Variants in RBPJ observed in about 807,000 individuals in gnomAD.
RBPJ encodes the protein recombination signal binding protein for immunoglobulin kappa J region.
A neutral mutation model predicts 67.8 loss-of-function variants in RBPJ; 9 were observed. The observed-to-expected ratio is 0.13, with a 90% CI of 0.08 to 0.23. The LOEUF (loss-of-function observed/expected upper bound fraction) is 0.23. Ranked by LOEUF, RBPJ falls within the 10% of genes least tolerant of loss-of-function variation. The probability of loss-of-function intolerance (pLI) is 1.00; values close to 1 mark genes in which losing one functional copy is unlikely to be tolerated. For missense variants in RBPJ, 305 were observed against 595.6 expected (o/e 0.51, Z 5.08); for synonymous variants, 198 against 203.3 (o/e 0.97, Z 0.22).
intron 1 of RBPJ, among the ~76,000 whole-genome samples, chr4:26,268,283 C>G (rs1720771190): frequency 6.6e-6 from 1 of 151,980 alleles, no homozygotes; most frequent in Admixed American, 6.6e-5. Context: ...ACAACAAAAA[C>G]CAAGTGTCCT....
At chr4:26,283,658 T>C (rs1240316881) in intron 1 of RBPJ, among the ~76,000 whole-genome samples, 2 of 151,600 alleles carry the variant, frequency 1.3e-5, no homozygotes, top group African/African-American at 4.8e-5. Context: ...ACTTTTTTTT[T>C]TTTTTTGAGA....
At chr4:26,303,278 AATATAT>A (rs766094629) in intron 1 of RBPJ, among the ~76,000 whole-genome samples, 3 of 145,184 alleles carry the variant, frequency 2.1e-5, no homozygotes, top group African/African-American at 5.0e-5. Flanking sequence ...ATCCATATGA[AATATAT>A]ATATATATAT....
At chr4:26,405,249 T>C (rs948313084) in intron 2 of RBPJ, among the ~76,000 whole-genome samples, 1 of 152,190 alleles carries the variant, frequency 6.6e-6, no homozygotes, top group African/African-American at 2.4e-5. Context: ...AACCTAGAAG[T>C]CCTCACATTT....
chr4:26,263,629 C>T (rs1425791195), intron 1 of RBPJ, among the ~76,000 whole-genome samples: 4 of 152,088 alleles, frequency 2.6e-5, no homozygotes, highest in South Asian at 2.1e-4. Flanking sequence ...TGGAATGCAA[C>T]GGCCCGATCT....
At chr4:26,313,283 G>C (rs1722496997) in intron 1 of RBPJ, among the ~76,000 whole-genome samples, 1 of 152,156 alleles carries the variant, frequency 6.6e-6, no homozygotes, top group African/African-American at 2.4e-5. Context: ...TGTACTCCTA[G>C]CACTTTGGGA....
intron 1 of RBPJ, among the ~76,000 whole-genome samples, chr4:26,312,894 A>T (rs1019237761): frequency 3.9e-5 from 6 of 152,204 alleles, no homozygotes; most frequent in East Asian, 3.9e-4. Context: ...AATTCTACTA[A>T]GATGATAGGT....
At chr4:26,248,549 A>G (rs542989537) in intron 1 of RBPJ, among the ~76,000 whole-genome samples, 2 of 152,328 alleles carry the variant, frequency 1.3e-5, no homozygotes, top group Admixed American at 1.3e-4. Context: ...TTTGCTCTTG[A>G]ACATTTTGTA....
At chr4:26,182,845 T>C (rs1375957156) in intron 1 of RBPJ, among the ~76,000 whole-genome samples, 4 of 152,168 alleles carry the variant, frequency 2.6e-5, no homozygotes, top group Non-Finnish European at 4.4e-5. Context: ...CACATTAGCA[T>C]AGGCCTCCAC....
rs1462091739 is a variant in RBPJ, at chr4:26,431,735, T to TA, written c.*735dup. The TA allele has an allele frequency of 1.3e-5, 2 of 152,148 alleles. No homozygotes were observed. The highest frequency in any genetic ancestry group is 2.4e-5 in the African/African-American group (1 of 41,442). The allele number at this position is 152,148 out of a possible 1,614,324, so 9.4% of individuals were successfully genotyped here. On this transcript the variant is annotated 3_prime_UTR_variant, in exon 11 of 11. Coordinates refer to ENST00000355476, the MANE Select transcript of RBPJ (RefSeq NM_015874.6). ...TTATATGAAGTCTGTGCAAAAGCTT[T>TA]AAAAAAATGCCTCTGCCTTGCCTGC... is the stretch of plus-strand genomic sequence containing the variant.
upstream of RBPJ, among the ~76,000 whole-genome samples, chr4:26,159,547 A>G (rs1331047459): frequency 6.6e-6 from 1 of 152,238 alleles, no homozygotes; most frequent in Non-Finnish European, 1.5e-5. Flanking sequence ...AAGTGTGTAT[A>G]TCAATAAGTT....
chr4:26,404,144 T>A (rs866763481), intron 2 of RBPJ, among the ~76,000 whole-genome samples: 1 of 152,120 alleles, frequency 6.6e-6, no homozygotes, highest in Non-Finnish European at 1.5e-5. Flanking sequence ...GAGCTTTTTT[T>A]CATATGCTTG....
intron 1 of RBPJ, among the ~76,000 whole-genome samples, chr4:26,324,492 C>T (rs1036018638): frequency 1.1e-4 from 17 of 151,568 alleles, no homozygotes; most frequent in African/African-American, 4.1e-4. Context: ...GGATGCCTTT[C>T]CTCTTTTGTT....
At chr4:26,288,445 G>C (rs1245121118) in intron 1 of RBPJ, among the ~76,000 whole-genome samples, 1 of 152,218 alleles carries the variant, frequency 6.6e-6, no homozygotes, top group Non-Finnish European at 1.5e-5. Flanking sequence ...TCTGCAATGA[G>C]TGATCTAAGA....
the RBPJ span, among the ~76,000 whole-genome samples, chr4:26,126,614 C>T: frequency 6.6e-6 from 1 of 152,326 alleles, no homozygotes; most frequent in South Asian, 2.1e-4. Context: ...GCTCATTTTC[C>T]AAACTTGTTC....
intron 1 of RBPJ, among the ~76,000 whole-genome samples, chr4:26,286,472 CAAAAA>C (rs57556548): frequency 4.2e-3 from 422 of 99,452 alleles, no homozygotes; most frequent in South Asian, 0.011. Flanking sequence ...GACCCTGCCT[CAAAAA>C]AAAAAAAAAA....
upstream of RBPJ, chr4:26,320,964 G>C: frequency 6.2e-7 from 1 of 1,612,704 alleles, no homozygotes; most frequent in Non-Finnish European, 8.5e-7. Context: ...GCGGGGGAGA[G>C]GGACCAGGGA....
the RBPJ span, among the ~76,000 whole-genome samples, chr4:26,142,792 G>C: frequency 1.3e-5 from 2 of 152,104 alleles, no homozygotes; most frequent in Non-Finnish European, 2.9e-5. Flanking sequence ...GTGTGTGAGA[G>C]AGAGAGAGAG....
At chr4:26,205,379 G>A (rs1718133650) in intron 1 of RBPJ, among the ~76,000 whole-genome samples, 2 of 152,166 alleles carry the variant, frequency 1.3e-5, no homozygotes, top group African/African-American at 4.8e-5. Flanking sequence ...CTGCAATTCT[G>A]GAGTCAGGCT....
chr4:26,165,706 T>A (rs1469599882), intron 1 of RBPJ, among the ~76,000 whole-genome samples: 1 of 131,432 alleles, frequency 7.6e-6, no homozygotes, highest in Non-Finnish European at 1.8e-5. Context: ...TTTTTTCATT[T>A]TTTTTCTTTT....
Sources: gnomAD v4.1 joint callset for allele counts (sites outside exome capture counted in the v4.1 genomes callset) on GRCh38, gnomAD v4.1.1 for gene constraint, MANE v1.5 for transcripts, NCBI Gene and HGNC (gene_info 2026-07-23, HGNC 2026-07-21) for gene names.